ADAMTS2: variants seen among roughly 807,000 people sequenced by gnomAD.
ADAMTS2 encodes A disintegrin and metalloproteinase with thrombospondin motifs 2.
A neutral mutation model predicts 123.0 loss-of-function variants in ADAMTS2; 50 were observed. That is an observed-to-expected ratio of 0.41 (90% CI 0.32 to 0.51). The LOEUF (loss-of-function observed/expected upper bound fraction) is 0.51, where lower values mean the gene tolerates loss of function less well. ADAMTS2 is among the 20% of genes least tolerant of loss of function. The probability of loss-of-function intolerance (pLI) is 0.35; values close to 1 mark genes in which losing one functional copy is unlikely to be tolerated. For missense variants in ADAMTS2, 1,494 were observed against 1,705.2 expected, an observed-to-expected ratio of 0.88 and a Z score of 2.18; for synonymous variants, 678 against 695.4, an observed-to-expected ratio of 0.98 and a Z score of 0.39.
intron 2 of ADAMTS2, among the ~76,000 whole-genome samples, chr5:179,330,954 AC>A (rs1253325436): frequency 6.6e-6 from 1 of 152,168 alleles, no homozygotes; most frequent in Non-Finnish European, 1.5e-5. Flanking sequence ...CCCTGCTTGT[AC>A]AGGTGGGGAG....
At chr5:179,244,073 G>T (rs1765727444) in intron 3 of ADAMTS2, among the ~76,000 whole-genome samples, 1 of 152,212 alleles carries the variant, frequency 6.6e-6, no homozygotes, top group Admixed American at 6.5e-5. Context: ...GTCCCAGAAA[G>T]AGGCAAGTGA....
intron 3 of ADAMTS2, among the ~76,000 whole-genome samples, chr5:179,248,517 C>T (rs578171873): frequency 4.6e-5 from 7 of 152,044 alleles, no homozygotes; most frequent in African/African-American, 1.7e-4. Context: ...ATTCAAAATA[C>T]ACAAATAGTT....
At chr5:179,168,063 T>C (rs1189147113) in intron 5 of ADAMTS2, among the ~76,000 whole-genome samples, 2 of 151,936 alleles carry the variant, frequency 1.3e-5, no homozygotes, top group African/African-American at 2.4e-5. Context: ...AGCAGGGAGG[T>C]TGGGTTCTGG....
rs185402221 is a variant in ADAMTS2, at chr5:179,154,233, C to G, written c.1239-41G>C. On this transcript the variant is annotated intron_variant, in intron 7 of 21. Transcript: ENST00000251582. The stretch of plus-strand genomic sequence containing the variant: ...CAGCTGGCTGAATCCCACTGGCACA[C>G]GGGTCTGCCAGTCCCACCCCACCCC... 6 of 1,537,000 alleles carry G rather than the reference C, an allele frequency of 3.9e-6. No homozygotes were observed. In the Admixed American group the frequency reaches 1.2e-4, roughly 30 times the overall value.
In ADAMTS2 at chr5:179,185,895, C is replaced by T. The variant is rs889163134; in HGVS notation, c.892-4740G>A. The stretch of plus-strand genomic sequence containing the variant: ...TGAGGAGCTAGAGAGGGCATGCCTG[C>T]AAATGCTCCCAGCAGGTAGCCAGGG... On this transcript the variant is annotated intron_variant, in intron 4 of 21. Coordinates refer to ENST00000251582, the MANE Select transcript of ADAMTS2 (RefSeq NM_014244.5). The surrounding 1 kb of genome is among the most constrained non-coding windows in gnomAD (Gnocchi z 5.9). Among the ~76,000 whole-genome samples, 3 of 152,040 alleles carry T rather than the reference C, an allele frequency of 2.0e-5. No individual in the cohort carries two copies. The highest frequency in any genetic ancestry group is 1.3e-4 in the Admixed American group (2 of 15,274).
chr5:179,216,984 G>A (rs1473824052), intron 3 of ADAMTS2, among the ~76,000 whole-genome samples: 1 of 152,224 alleles, frequency 6.6e-6, no homozygotes, highest in East Asian at 1.9e-4. Flanking sequence ...GCCCTCCTTG[G>A]ACTGACCCTT....
chr5:179,120,312 C>A (rs888762), intron 21 of ADAMTS2: 110,108 of 152,140 alleles, frequency 0.72, 40,145 homozygotes, highest in East Asian at 0.91. Context: ...AGAAAAGCAA[C>A]GACAATGGAA....
chr5:179,137,804 G>C lies in ADAMTS2; in HGVS notation c.1916C>G (p.Ala639Gly). The C allele has an allele frequency of 6.3e-7, 1 of 1,579,286 alleles. No individual in the cohort carries two copies. Among genetic ancestry groups the C allele is most frequent in the East Asian group, 2.3e-5 (1 of 42,632 alleles). Residue 639 changes from alanine to glycine, a missense_variant, in exon 12 of 22, where the codon GCC (alanine) becomes GGC (glycine). Physicochemically the swap from Ala to Gly is moderately conservative, Grantham distance 60. Transcript: ENST00000251582. ...CTCGTGGGGCAGCCAGTGGTGCTGG[G>C]CGTCGCCGTGCTCGAAGTACAGGTC... ...QWDLYFEHGD[A>G]QHHWLPHEHR...
chr5:179,140,077 G>C (rs767108037), intron 10 of ADAMTS2, 42 bp from the exon 11 acceptor site: 1 of 1,612,938 alleles, frequency 6.2e-7, no homozygotes, highest in Admixed American at 1.7e-5. Context: ...CCCTCACACC[G>C]GGCCGTGGGG....
In ADAMTS2 at chr5:179,132,747, C is replaced by A. The variant is rs2113206064; in HGVS notation, c.2209+30G>T. The A allele has an allele frequency of 2.5e-6, 4 of 1,613,934 alleles. No individual in the cohort carries two copies. The highest frequency in any genetic ancestry group is 3.4e-6 in the Non-Finnish European group (4 of 1,179,922). Reference sequence around the variant, plus strand: ...CATGAGCCTGCTGCAGGCATCCAGGCTCCAGGGTGGAGAGCAGGGACCCAC... The same window carrying A: ...CATGAGCCTGCTGCAGGCATCCAGGATCCAGGGTGGAGAGCAGGGACCCAC... On this transcript the variant is annotated intron_variant, in intron 14 of 21. Transcript: ENST00000251582. The surrounding 1 kb of genome is among the most constrained non-coding windows in gnomAD (Gnocchi z 6.1).
At chr5:179,220,898 G>A (rs941768728) in intron 3 of ADAMTS2, among the ~76,000 whole-genome samples, 1 of 152,192 alleles carries the variant, frequency 6.6e-6, no homozygotes, top group African/African-American at 2.4e-5. Context: ...ACACAAGCGG[G>A]AGGTCTCAGA....
At chr5:179,183,348 G>A (rs1161334144) in intron 4 of ADAMTS2, among the ~76,000 whole-genome samples, 1 of 152,236 alleles carries the variant, frequency 6.6e-6, no homozygotes, top group Non-Finnish European at 1.5e-5. Flanking sequence ...GCTGAAGGGA[G>A]CAGAATAGGA....
At chr5:179,191,606 T>G (rs1764308144) in intron 4 of ADAMTS2, among the ~76,000 whole-genome samples, 3 of 88,044 alleles carry the variant, frequency 3.4e-5, no homozygotes, top group African/African-American at 8.7e-5. Context: ...ACAGGAACGG[T>G]GTGGGGGAGG....
At chr5:179,329,934 G>A (rs1319092387) in intron 2 of ADAMTS2, among the ~76,000 whole-genome samples, 1 of 151,764 alleles carries the variant, frequency 6.6e-6, no homozygotes, top group African/African-American at 2.4e-5. Context: ...AGACCATCCT[G>A]GCTAACAAGG....
At position 179,144,815 on chromosome 5, in the gene ADAMTS2, G is replaced by T. The variant is rs919096077; in HGVS notation, c.1630-4780C>A. Among the ~76,000 whole-genome samples the T allele has an allele frequency of 2.0e-5, 3 of 152,210 alleles. 1 individual carries two copies. The South Asian group carries it at 6.2e-4, about 32-fold the overall frequency. Reference sequence around the variant, plus strand: ...ATAAAACATAGGAGTAAATCTTCTTGACCTAAGTAATGGTTTCTCAAATAC... The same window carrying T: ...ATAAAACATAGGAGTAAATCTTCTTTACCTAAGTAATGGTTTCTCAAATAC... On this transcript the variant is annotated intron_variant, in intron 10 of 21. Coordinates refer to ENST00000251582, the MANE Select transcript of ADAMTS2 (RefSeq NM_014244.5).
At chr5:179,259,840 T>C (rs1223567163) in intron 3 of ADAMTS2, among the ~76,000 whole-genome samples, 1 of 152,210 alleles carries the variant, frequency 6.6e-6, no homozygotes, top group Admixed American at 6.5e-5. Flanking sequence ...GTGCCCTGTG[T>C]CCTCAACCTC....
At chr5:179,206,736 CAG>C (rs1335195558) in intron 4 of ADAMTS2, among the ~76,000 whole-genome samples, 4 of 152,340 alleles carry the variant, frequency 2.6e-5, no homozygotes, top group African/African-American at 9.6e-5. Flanking sequence ...CCACATGAGG[CAG>C]AGAGAGGAAA....
intron 12 of ADAMTS2, 56 bp downstream of exon 12, chr5:179,137,713 G>GC: frequency 1.4e-4 from 170 of 1,188,570 alleles, no homozygotes; most frequent in Middle Eastern, 5.6e-4. Context: ...CCCCCACCCT[G>GC]CCCACCCTAG....
At chr5:179,338,139 A>C (rs1294277397) in intron 2 of ADAMTS2, among the ~76,000 whole-genome samples, 2 of 152,302 alleles carry the variant, frequency 1.3e-5, no homozygotes, top group East Asian at 3.9e-4. Context: ...CAGCTCTCTC[A>C]GGGAGAGCTG....
Sources: gnomAD v4.1 joint callset for allele counts (sites outside exome capture counted in the v4.1 genomes callset) on GRCh38, gnomAD v4.1.1 for gene constraint, Gnocchi (gnomAD v3.1) non-coding constraint, MANE v1.5 for transcripts, NCBI Gene and HGNC (gene_info 2026-07-23, HGNC 2026-07-21) for gene names.